The following PTPRM variants were observed in gnomAD, a reference collection of about 807,000 sequenced individuals.
PTPRM encodes receptor-type tyrosine-protein phosphatase mu.
A neutral mutation model predicts 186.7 loss-of-function variants in PTPRM; 47 were observed. The ratio of observed to expected loss-of-function variants is 0.25; its 90% CI spans 0.20 to 0.32. PTPRM has a LOEUF of 0.32. Ranked by LOEUF, PTPRM falls within the 10% of genes least tolerant of loss-of-function variation. PTPRM has a pLI of 1.00. For missense variants in PTPRM, 1,494 were observed against 1,865.0 expected (o/e 0.80, Z 3.66); for synonymous variants, 668 against 674.9 (o/e 0.99, Z 0.16).
intron 7 of PTPRM, among the ~76,000 whole-genome samples, chr18:8,064,482 A>G (rs1389845393): frequency 1.3e-5 from 2 of 152,186 alleles, no homozygotes; most frequent in Non-Finnish European, 2.9e-5. Context: ...TTTTTGAAGA[A>G]AAACAGATTG....
At chr18:7,950,735 G>C (rs2052893278) in intron 6 of PTPRM, among the ~76,000 whole-genome samples, 1 of 152,130 alleles carries the variant, frequency 6.6e-6, no homozygotes, top group African/African-American at 2.4e-5. Context: ...ACTTCTCTCT[G>C]GTCCAGTCTG....
At chr18:7,746,140 A>G (rs1050573361) in intron 1 of PTPRM, among the ~76,000 whole-genome samples, 2 of 152,204 alleles carry the variant, frequency 1.3e-5, no homozygotes, top group Non-Finnish European at 2.9e-5. Context: ...AATTTGGGAA[A>G]ATTACAAATG....
intron 7 of PTPRM, among the ~76,000 whole-genome samples, chr18:7,988,721 T>G (rs2083101594): frequency 6.6e-6 from 1 of 152,224 alleles, no homozygotes; most frequent in Admixed American, 6.5e-5. Context: ...TCTATTCATG[T>G]TGGTAGCATA....
intron 21 of PTPRM, among the ~76,000 whole-genome samples, chr18:8,318,615 A>G (rs2095326342): frequency 2.6e-5 from 4 of 152,066 alleles, no homozygotes; most frequent in South Asian, 2.1e-4. Context: ...TTTGGCCTCA[A>G]TTTTTATCTG....
At chr18:8,134,014 C>A (rs2092577601) in intron 13 of PTPRM, among the ~76,000 whole-genome samples, 1 of 152,146 alleles carries the variant, frequency 6.6e-6, no homozygotes, top group Non-Finnish European at 1.5e-5. Context: ...ACAGTAATAA[C>A]TGACCTCTCT....
chr18:7,676,069 GTATGGGTGA>G (rs750818384), intron 1 of PTPRM, among the ~76,000 whole-genome samples: 4 of 152,028 alleles, frequency 2.6e-5, no homozygotes, highest in Non-Finnish European at 4.4e-5. Context: ...TGAAATGGAT[GTATGGGTGA>G]TACTGTGCTA....
intron 14 of PTPRM, among the ~76,000 whole-genome samples, chr18:8,162,536 G>A (rs1175874305): frequency 6.6e-6 from 1 of 152,180 alleles, no homozygotes; most frequent in Non-Finnish European, 1.5e-5. Flanking sequence ...AGGGAAGCCA[G>A]CCCACCCCAG....
At chr18:8,335,357 A>G (rs1017953793) in intron 22 of PTPRM, among the ~76,000 whole-genome samples, 3 of 151,888 alleles carry the variant, frequency 2.0e-5, no homozygotes, top group African/African-American at 7.3e-5. Context: ...GCTCTTCCTG[A>G]CTTTGACTGC....
chr18:7,666,717 A>T (rs2039104778), intron 1 of PTPRM, among the ~76,000 whole-genome samples: 1 of 151,938 alleles, frequency 6.6e-6, no homozygotes, highest in African/African-American at 2.4e-5. Context: ...TTTTGTTTTT[A>T]TTTATCCCCT....
At chr18:7,760,799 A>G (rs2041734826) in intron 1 of PTPRM, among the ~76,000 whole-genome samples, 1 of 152,220 alleles carries the variant, frequency 6.6e-6, no homozygotes, top group Non-Finnish European at 1.5e-5. Flanking sequence ...AGATGAGGAA[A>G]GCTTGTAAGT....
intron 14 of PTPRM, among the ~76,000 whole-genome samples, chr18:8,218,264 G>A (rs1261530119): frequency 6.6e-6 from 1 of 152,156 alleles, no homozygotes; most frequent in African/African-American, 2.4e-5. Flanking sequence ...ACTATGAGAG[G>A]TAAATAAAAT....
At chr18:7,809,154 G>T (rs1405364546) in intron 2 of PTPRM, among the ~76,000 whole-genome samples, 1 of 152,116 alleles carries the variant, frequency 6.6e-6, no homozygotes, top group African/African-American at 2.4e-5. Flanking sequence ...CTTCTAGCCT[G>T]GCTTTCTCTC....
intron 14 of PTPRM, among the ~76,000 whole-genome samples, chr18:8,223,052 C>G (rs1307989598): frequency 6.6e-6 from 1 of 152,020 alleles, no homozygotes; most frequent in South Asian, 2.1e-4. Context: ...TGCGAAACCC[C>G]GTCTCTACTA....
chr18:8,053,843 ATC>A (rs1370372952), intron 7 of PTPRM, among the ~76,000 whole-genome samples: 1 of 152,000 alleles, frequency 6.6e-6, no homozygotes, highest in African/African-American at 2.4e-5. Context: ...TTGGATTTTT[ATC>A]TGTTATTGGT....
chr18:8,046,459 A>G (rs2148217595), intron 7 of PTPRM, among the ~76,000 whole-genome samples: 1 of 152,274 alleles, frequency 6.6e-6, no homozygotes, highest in Middle Eastern at 3.4e-3. Context: ...CCCTCTGTGT[A>G]TCTTGCATCT....
At chr18:7,791,799 A>G (rs2043356281) in intron 2 of PTPRM, among the ~76,000 whole-genome samples, 1 of 152,214 alleles carries the variant, frequency 6.6e-6, no homozygotes, top group African/African-American at 2.4e-5. Flanking sequence ...AAGGAGTGCT[A>G]TCTTTAAAAA....
chr18:7,959,437 C>A (rs760941317), intron 7 of PTPRM, among the ~76,000 whole-genome samples: 2 of 152,180 alleles, frequency 1.3e-5, no homozygotes, highest in Non-Finnish European at 2.9e-5. Context: ...CCTGTCCTAT[C>A]ATTTTTTGGT....
chr18:8,210,030 C>T (rs1248231628), intron 14 of PTPRM, among the ~76,000 whole-genome samples: 1 of 121,264 alleles, frequency 8.2e-6, no homozygotes, highest in Non-Finnish European at 1.8e-5. Flanking sequence ...GGTGCTCGGG[C>T]AAGGTGGCTC....
intron 2 of PTPRM, among the ~76,000 whole-genome samples, chr18:7,783,973 C>T (rs1365392871): frequency 6.6e-6 from 1 of 150,840 alleles, no homozygotes; most frequent in Non-Finnish European, 1.5e-5. Flanking sequence ...CATCACTGTG[C>T]TAACCGGCAC....
Sources: gnomAD v4.1 joint callset for allele counts (sites outside exome capture counted in the v4.1 genomes callset) on GRCh38, gnomAD v4.1.1 for gene constraint, MANE v1.5 for transcripts, NCBI Gene and HGNC (gene_info 2026-07-23, HGNC 2026-07-21) for gene names.